The following CEPT1 variants were observed in gnomAD, a reference collection of about 807,000 sequenced individuals.
CEPT1 encodes choline/ethanolamine phosphotransferase 1.
Under a neutral mutation model 42.6 loss-of-function variants are expected in CEPT1, and 7 were observed. The observed-to-expected ratio is 0.16, with a 90% CI of 0.09 to 0.31. CEPT1 has a LOEUF of 0.31. Among genes scored for constraint, CEPT1 ranks in the 10% least tolerant of loss-of-function variants. The pLI is 1.00. For missense variants in CEPT1, 306 were observed against 502.1 expected, an observed-to-expected ratio of 0.61 and a Z score of 3.73; for synonymous variants, 171 against 171.9, an observed-to-expected ratio of 0.99 and a Z score of 0.04.
intron 4 of CEPT1, among the ~76,000 whole-genome samples, chr1:111,166,529 A>G (rs1656152688): frequency 1.3e-5 from 2 of 152,168 alleles, no homozygotes; most frequent in South Asian, 4.1e-4. Flanking sequence ...GGCCAATTTG[A>G]TTTTTGCTCT....
rs1655867454 is a variant in CEPT1, at chr1:111,161,423, T to A, written c.629+127T>A. The A allele has an allele frequency of 5.9e-6, 5 of 845,866 alleles. No homozygotes were observed. The South Asian group carries it at 9.4e-5, about 16-fold the overall frequency. The allele number at this position is 845,866 out of a possible 1,614,324, so 52.4% of individuals were successfully genotyped here. ...GTTTAATAAATTAAAAAATTTATGC[T>A]TCATTATTATAGCTATTTCCTAATA... On this transcript the variant is annotated intron_variant, in intron 4 of 8. Coordinates refer to ENST00000357172, the MANE Select transcript of CEPT1 (RefSeq NM_006090.5).
chr1:111,157,873 G>C (rs899881767), intron 2 of CEPT1, among the ~76,000 whole-genome samples: 1 of 152,178 alleles, frequency 6.6e-6, no homozygotes, highest in African/African-American at 2.4e-5. Context: ...TTGCATCTCT[G>C]AGTGTTTAAT....
intron 4 of CEPT1, among the ~76,000 whole-genome samples, chr1:111,171,587 C>G (rs1656414179): frequency 1.3e-5 from 2 of 152,164 alleles, no homozygotes; most frequent in Non-Finnish European, 2.9e-5. Context: ...TTTTTTGTGA[C>G]AGCCATCAAA....
At chr1:111,180,327 C>T (rs1260513848) in intron 5 of CEPT1, 1 of 152,050 alleles carries the variant, frequency 6.6e-6, no homozygotes, top group Non-Finnish European at 1.5e-5. Context: ...AGGTTGGGAA[C>T]CAGGAAACTA....
At chr1:111,176,766 T>C (rs1463304187) in intron 5 of CEPT1, among the ~76,000 whole-genome samples, 1 of 152,206 alleles carries the variant, frequency 6.6e-6, no homozygotes, top group Non-Finnish European at 1.5e-5. Context: ...TTTTTAATAA[T>C]TTTGTGGATG....
At chr1:111,176,054 AC>A (rs1425023097) in intron 5 of CEPT1, among the ~76,000 whole-genome samples, 3 of 152,212 alleles carry the variant, frequency 2.0e-5, no homozygotes, top group Non-Finnish European at 4.4e-5. Context: ...TACACTACCC[AC>A]AGTATTTATT....
intron 2 of CEPT1, among the ~76,000 whole-genome samples, chr1:111,149,548 C>A (rs563006482): frequency 6.6e-6 from 1 of 152,226 alleles, no homozygotes; most frequent in Non-Finnish European, 1.5e-5. Flanking sequence ...CAGTGAGCAA[C>A]TGCGCCCAGC....
intron 2 of CEPT1, among the ~76,000 whole-genome samples, chr1:111,153,069 C>T (rs1655369205): frequency 6.6e-6 from 1 of 152,106 alleles, no homozygotes; most frequent in Non-Finnish European, 1.5e-5. Flanking sequence ...CTAGAACTTA[C>T]TCCTCCTACA....
chr1:111,148,086 T>C (rs1430575808), intron 2 of CEPT1, 33 bp downstream of exon 2: 2 of 1,537,200 alleles, frequency 1.3e-6, no homozygotes, highest in Non-Finnish European at 1.8e-6. Context: ...CAACATTTGC[T>C]ATATACCAAA....
At chr1:111,161,512 A>G (rs932452629) in intron 4 of CEPT1, among the ~76,000 whole-genome samples, 17 of 152,144 alleles carry the variant, frequency 1.1e-4, no homozygotes, top group Admixed American at 4.6e-4. Flanking sequence ...CCCAGCCAGT[A>G]TTTTAAAAGC....
At position 111,148,035 on chromosome 1, in the gene CEPT1, C is replaced by G; in HGVS notation, c.321C>G (p.Cys107Trp). 1 of 1,613,340 alleles carries G rather than the reference C, an allele frequency of 6.2e-7. No individual in the cohort carries two copies. Among genetic ancestry groups the G allele is most frequent in the Non-Finnish European group, 8.5e-7 (1 of 1,179,286 alleles). The change falls in exon 2 of 9, where the codon TGC becomes TGG. Residue 107 changes from cysteine to tryptophan, a missense_variant. Physicochemically the swap from Cys to Trp is radical, Grantham distance 215 (BLOSUM62 -2). Transcript: ENST00000357172. ...ICTTILLVFY[C>W]PTATEQAPLW... ...CAACTATTTTATTAGTCTTCTACTG[C>G]CCTACAGCTACAGAGCAGGTAAGAG...
At chr1:111,151,825 G>A (rs1489674933) in intron 2 of CEPT1, among the ~76,000 whole-genome samples, 1 of 152,194 alleles carries the variant, frequency 6.6e-6, no homozygotes, top group African/African-American at 2.4e-5. Flanking sequence ...TTCAAAATAT[G>A]ACCAAGAAAC....
chr1:111,179,412 A>G (rs1156534956), intron 5 of CEPT1: 2 of 152,168 alleles, frequency 1.3e-5, no homozygotes, highest in Non-Finnish European at 2.9e-5. Context: ...TGTCTTTGGT[A>G]TAGCTCTTTG....
chr1:111,183,957 C>T (rs1022864770), intron 8 of CEPT1, among the ~76,000 whole-genome samples: 2 of 152,080 alleles, frequency 1.3e-5, no homozygotes, highest in Non-Finnish European at 2.9e-5. Flanking sequence ...TTTCATGGTA[C>T]AATGGCAGAG....
intron 5 of CEPT1, among the ~76,000 whole-genome samples, chr1:111,177,297 G>T (rs1656729178): frequency 1.3e-5 from 2 of 152,158 alleles, no homozygotes; most frequent in African/African-American, 4.8e-5. Flanking sequence ...GGGGCTGGGA[G>T]GGTCGTTTTT....
intron 5 of CEPT1, chr1:111,180,327 C>G (rs1260513848): frequency 6.6e-6 from 1 of 152,050 alleles, no homozygotes; most frequent in Non-Finnish European, 1.5e-5. Flanking sequence ...AGGTTGGGAA[C>G]CAGGAAACTA....
chr1:111,160,727 C>T (rs1655822515), intron 3 of CEPT1: 1 of 163,318 alleles, frequency 6.1e-6, no homozygotes, highest in South Asian at 1.5e-4. Flanking sequence ...ATGTATGTCA[C>T]CCATAACAAT....
Position 111,147,735 on chromosome 1 carries a change from A to G in CEPT1, c.21A>G (p.Thr7=), listed in dbSNP as rs1655048097. The G allele has an allele frequency of 6.2e-7, 1 of 1,609,842 alleles. No homozygotes were observed. The highest frequency in any genetic ancestry group is 8.5e-7 in the Non-Finnish European group (1 of 1,176,942). MSGHRS[T]RKRCGDSHPE... ...GATCCATGAGTGGGCATCGATCAAC[A>G]AGGAAAAGATGTGGAGATTCTCACC... The change falls in exon 2 of 9, where the codon ACA becomes ACG. Residue 7 remains threonine, a synonymous_variant. Transcript: ENST00000357172.
At chr1:111,145,499 G>A (rs958051483) in intron 1 of CEPT1, among the ~76,000 whole-genome samples, 18 of 152,152 alleles carry the variant, frequency 1.2e-4, no homozygotes, top group African/African-American at 4.3e-4. Flanking sequence ...TGAAATTTTG[G>A]AATTTGATAT....
Sources: gnomAD v4.1 joint callset for allele counts (sites outside exome capture counted in the v4.1 genomes callset) on GRCh38, gnomAD v4.1.1 for gene constraint, MANE v1.5 for transcripts, NCBI Gene and HGNC (gene_info 2026-07-23, HGNC 2026-07-21) for gene names.